DOCK1: variants seen among roughly 807,000 people sequenced by gnomAD.
DOCK1 encodes dedicator of cytokinesis protein 1.
In DOCK1, 138 loss-of-function variants were observed where a neutral mutation model predicts 262.7. That is an observed-to-expected ratio of 0.53 (90% CI 0.46 to 0.61). The LOEUF is 0.61. Among genes scored for constraint, DOCK1 ranks in the 20% least tolerant of loss-of-function variants. DOCK1 has a pLI of 0.00. For missense variants in DOCK1, 1,908 were observed against 2,370.7 expected (o/e 0.80, Z 4.05); for synonymous variants, 866 against 867.4 (o/e 1.00, Z 0.03).
At chr10:127,212,346 G>T (rs1350840099) in intron 27 of DOCK1, among the ~76,000 whole-genome samples, 1 of 152,146 alleles carries the variant, frequency 6.6e-6, no homozygotes, top group Non-Finnish European at 1.5e-5. Context: ...CAAGAAAAGT[G>T]AGACTTTATT....
At chr10:127,129,990 C>A (rs1039968134) in intron 27 of DOCK1, among the ~76,000 whole-genome samples, 7 of 150,946 alleles carry the variant, frequency 4.6e-5, no homozygotes, top group African/African-American at 1.7e-4. Flanking sequence ...GTCAGGGGGG[C>A]ACAGTCCAGT....
rs1044445156 is a variant in DOCK1 at position 126,986,820 on chromosome 10, G to T, written c.228-701G>T. Among the ~76,000 whole-genome samples the T allele has an allele frequency of 4.6e-5, 7 of 152,166 alleles. No homozygotes were observed. The East Asian group carries it at 1.4e-3, about 29-fold the overall frequency. ...AGCTGCTTGGGAGGCTGAAGCAGGA[G>T]AATCGCTTGAACCTGGGAGGCAGAG... On this transcript the variant is annotated intron_variant, in intron 4 of 51. Transcript: ENST00000623213.
chr10:126,971,558 A>C (rs1005986874), intron 2 of DOCK1, among the ~76,000 whole-genome samples: 1 of 152,102 alleles, frequency 6.6e-6, no homozygotes, highest in Non-Finnish European at 1.5e-5. Flanking sequence ...CTGGGACTAC[A>C]GGTGCATGCT....
chr10:127,241,077 G>C (rs2059246968), intron 27 of DOCK1, among the ~76,000 whole-genome samples: 2 of 152,154 alleles, frequency 1.3e-5, no homozygotes, highest in South Asian at 4.1e-4. Flanking sequence ...TAATCCCAAT[G>C]CTCTGGAGGC....
At chr10:127,030,162 G>C (rs369685844) in intron 16 of DOCK1, among the ~76,000 whole-genome samples, 89 of 152,266 alleles carry the variant, frequency 5.8e-4, no homozygotes, top group African/African-American at 2.0e-3. Flanking sequence ...GTGGACTCAA[G>C]GCGGGTGGAT....
At chr10:127,084,867 A>G (rs148709091) in intron 23 of DOCK1, among the ~76,000 whole-genome samples, 5 of 152,014 alleles carry the variant, frequency 3.3e-5, no homozygotes, top group African/African-American at 9.7e-5. Flanking sequence ...TACCTCCTGA[A>G]GACTTGGGTG....
intron 22 of DOCK1, among the ~76,000 whole-genome samples, chr10:127,053,891 G>A (rs138070882): frequency 6.6e-6 from 1 of 152,134 alleles, no homozygotes; most frequent in Admixed American, 6.5e-5. Context: ...TTTTTTGGGG[G>A]ATGGCTATTT....
chr10:127,433,819 T>A (rs1306855868), intron 48 of DOCK1, among the ~76,000 whole-genome samples: 1 of 151,910 alleles, frequency 6.6e-6, no homozygotes, highest in African/African-American at 2.4e-5. Context: ...AGTATGAGAT[T>A]GTTTTTGTGA....
At chr10:126,991,364 C>G (rs527980999) in intron 6 of DOCK1, among the ~76,000 whole-genome samples, 1 of 152,176 alleles carries the variant, frequency 6.6e-6, no homozygotes, top group Non-Finnish European at 1.5e-5. Context: ...AATAGCAGAG[C>G]TGCAAGAAGC....
rs112507100 is a variant in DOCK1, at chr10:126,913,887, G to C, written c.46+8324G>C. 6.0e-3 allele frequency among the ~76,000 whole-genome samples: 921 copies of C among 152,306 alleles called. 4 individuals are homozygous for C. Among genetic ancestry groups the C allele is most frequent in the Non-Finnish European group, 0.01 (696 of 68,034 alleles). On this transcript the variant is annotated intron_variant, in intron 1 of 51. Transcript: ENST00000623213. ...GGTGTCTTATTAGGCATGTCACCTT[G>C]GGGGTTATTTACCTTAAGCCTGAGT...
intron 12 of DOCK1, 36 bp from the exon 13 acceptor site, chr10:127,018,674 T>TA (rs1407234658): frequency 6.2e-7 from 1 of 1,613,894 alleles, no homozygotes. Flanking sequence ...ATGCATAGGA[T>TA]AAAATGCGAC....
At chr10:127,450,265 T>C (rs1034087207) in intron 51 of DOCK1, among the ~76,000 whole-genome samples, 1 of 152,206 alleles carries the variant, frequency 6.6e-6, no homozygotes, top group Non-Finnish European at 1.5e-5. Context: ...GGGCGATGAG[T>C]GAGAGACTAC....
At chr10:127,097,493 G>A (rs2047981879) in intron 23 of DOCK1, among the ~76,000 whole-genome samples, 1 of 152,136 alleles carries the variant, frequency 6.6e-6, no homozygotes, top group Non-Finnish European at 1.5e-5. Flanking sequence ...TATGCATTTG[G>A]TGGTAATTTC....
chr10:127,138,033 G>T, intron 27 of DOCK1: 1 of 1,596,334 alleles, frequency 6.3e-7, no homozygotes, highest in African/African-American at 1.4e-5. Flanking sequence ...AGAAAAGAGA[G>T]AGAGTGAAGA....
At chr10:127,041,840 G>A (rs2044034732) in intron 19 of DOCK1, among the ~76,000 whole-genome samples, 1 of 152,036 alleles carries the variant, frequency 6.6e-6, no homozygotes, top group African/African-American at 2.4e-5. Flanking sequence ...CATGTTTATG[G>A]CCAGTATTTC....
At chr10:127,159,024 T>G (rs1448204480) in intron 27 of DOCK1, among the ~76,000 whole-genome samples, 1 of 152,106 alleles carries the variant, frequency 6.6e-6, no homozygotes, top group Non-Finnish European at 1.5e-5. Flanking sequence ...CACTCCTTGG[T>G]CAAGGTAGGC....
chr10:127,255,179 T>C (rs2059787754), intron 28 of DOCK1, among the ~76,000 whole-genome samples: 2 of 152,036 alleles, frequency 1.3e-5, no homozygotes, highest in Non-Finnish European at 2.9e-5. Context: ...GCAGGAGGAT[T>C]CCTTGAGCCC....
chr10:127,301,715 G>A (rs546287293), intron 29 of DOCK1, among the ~76,000 whole-genome samples: 1 of 152,242 alleles, frequency 6.6e-6, no homozygotes, highest in African/African-American at 2.4e-5. Flanking sequence ...AGAGGCCGAG[G>A]AGGGCAGATC....
intron 33 of DOCK1, 127 bp from the exon 34 acceptor site, chr10:127,373,654 G>T (rs777254598): frequency 2.5e-6 from 2 of 812,606 alleles, no homozygotes; most frequent in Non-Finnish European, 4.0e-6. Flanking sequence ...TCTTAAATGA[G>T]GCTTCAAAGG....
Sources: gnomAD v4.1 joint callset for allele counts (sites outside exome capture counted in the v4.1 genomes callset) on GRCh38, gnomAD v4.1.1 for gene constraint, MANE v1.5 for transcripts, NCBI Gene and HGNC (gene_info 2026-07-23, HGNC 2026-07-21) for gene names.